CEP192: variants seen among roughly 807,000 people sequenced by gnomAD.
CEP192 encodes the protein centrosomal protein 192, also known as centrosomal protein of 192 kDa.
A neutral mutation model predicts 271.8 loss-of-function variants in CEP192; 151 were observed. That is an observed-to-expected ratio of 0.56 (90% CI 0.49 to 0.64). CEP192 has a LOEUF of 0.64. Among genes scored for constraint, CEP192 ranks in the 30% least tolerant of loss-of-function variants. The probability of loss-of-function intolerance (pLI) is 0.00; values close to 1 mark genes in which losing one functional copy is unlikely to be tolerated. For synonymous variants in CEP192, 995 were observed against 1,076.5 expected (o/e 0.92, Z 1.48); for missense variants, 2,910 against 3,020.5 (o/e 0.96, Z 0.86).
intron 34 of CEP192, among the ~76,000 whole-genome samples, 164 bp downstream of exon 34, chr18:13,092,691 A>G (rs897097164): frequency 1.3e-5 from 2 of 152,146 alleles, no homozygotes; most frequent in African/African-American, 4.8e-5. Flanking sequence ...AACTTTCAGG[A>G]AAGTTTAGAA....
chr18:13,042,087 T>A, intron 14 of CEP192, 117 bp from the exon 15 acceptor site: 2 of 733,138 alleles, frequency 2.7e-6, no homozygotes, highest in Non-Finnish European at 4.4e-6. Context: ...CAACTGACAT[T>A]TGGGGTACAA....
intron 40 of CEP192, among the ~76,000 whole-genome samples, chr18:13,111,613 C>T (rs2040214717): frequency 6.6e-6 from 1 of 152,078 alleles, no homozygotes; most frequent in African/African-American, 2.4e-5. Context: ...AAAGCACAAG[C>T]CACAAAAGAG....
At chr18:13,003,247 G>A (rs773968793) in intron 3 of CEP192, among the ~76,000 whole-genome samples, 1 of 151,972 alleles carries the variant, frequency 6.6e-6, no homozygotes, top group Non-Finnish European at 1.5e-5. Flanking sequence ...TCAGGAGTTC[G>A]AGACCAGCCT....
intron 36 of CEP192, among the ~76,000 whole-genome samples, chr18:13,097,578 G>A (rs1001723251): frequency 8.8e-5 from 13 of 148,474 alleles, no homozygotes; most frequent in African/African-American, 2.0e-4. Context: ...AGTTTTTACC[G>A]TGAGTTGCTT....
intron 15 of CEP192, among the ~76,000 whole-genome samples, chr18:13,044,321 G>A (rs1363998197): frequency 1.3e-5 from 2 of 152,064 alleles, no homozygotes; most frequent in African/African-American, 4.8e-5. Context: ...TTGACTGGAT[G>A]GACCTCAAAA....
chr18:13,002,012 C>G, intron 3 of CEP192, among the ~76,000 whole-genome samples: 1 of 152,220 alleles, frequency 6.6e-6, no homozygotes, highest in East Asian at 1.9e-4. Context: ...GCCACCGCGC[C>G]CGGCCAAGAG....
chr18:13,011,453 C>T (rs1023446176), intron 4 of CEP192, among the ~76,000 whole-genome samples: 9 of 152,092 alleles, frequency 5.9e-5, no homozygotes, highest in Admixed American at 2.0e-4. Flanking sequence ...CATGTGACTC[C>T]GCATTTGCAC....
At chr18:13,000,578 C>T (rs2033578817) in intron 2 of CEP192, 1 of 152,210 alleles carries the variant, frequency 6.6e-6, no homozygotes, top group African/African-American at 2.4e-5. Flanking sequence ...TTCCAGCTTT[C>T]AATCTGTCCT....
chr18:13,040,755 A>G (rs1255695476), intron 13 of CEP192, 75 bp from the exon 14 acceptor site: 18 of 1,194,964 alleles, frequency 1.5e-5, no homozygotes, highest in Admixed American at 2.4e-5. Context: ...TTTTACCACT[A>G]TTAGATAAAA....
chr18:13,112,140 T>A (rs2040237626), intron 40 of CEP192, among the ~76,000 whole-genome samples: 1 of 152,202 alleles, frequency 6.6e-6, no homozygotes, highest in Non-Finnish European at 1.5e-5. Flanking sequence ...ACTAGAAAAG[T>A]TGAAGCAGAT....
intron 40 of CEP192, among the ~76,000 whole-genome samples, chr18:13,112,717 G>T (rs564831416): frequency 6.6e-6 from 1 of 152,300 alleles, no homozygotes; most frequent in African/African-American, 2.4e-5. Flanking sequence ...TCCCTGACCA[G>T]TCCTGCTTTT....
rs561486270 is a variant in CEP192 at position 13,002,680 on chromosome 18, A to G, written c.290+1098A>G. Among the ~76,000 whole-genome samples, 9 of 152,334 alleles carry G rather than the reference A, an allele frequency of 5.9e-5. 1 individual carries two copies. The South Asian group carries it at 1.7e-3, about 28-fold the overall frequency. On this transcript the variant is annotated intron_variant, in intron 3 of 44. Coordinates refer to ENST00000506447, the MANE Select transcript of CEP192 (RefSeq NM_032142.4). ...GCTATTTTTAATCTTTGATTTTTAC[A>G]GGTAAAAATAATTTATATAATACAT...
chr18:13,046,633 C>A (rs568490630), intron 15 of CEP192, among the ~76,000 whole-genome samples: 3 of 151,878 alleles, frequency 2.0e-5, no homozygotes, highest in Admixed American at 6.6e-5. Flanking sequence ...AGTAAAAATT[C>A]TTTGTTTTCT....
At chr18:13,016,147 C>T (rs1178047960) in intron 6 of CEP192, among the ~76,000 whole-genome samples, 1 of 152,116 alleles carries the variant, frequency 6.6e-6, no homozygotes, top group Non-Finnish European at 1.5e-5. Flanking sequence ...ACCCAACAGG[C>T]CCCAAATGTG....
Position 13,017,293 on chromosome 18 carries a change from C to T in CEP192, c.746C>T (p.Pro249Leu), listed in dbSNP as rs1048148011. Reference protein sequence around the residue: ...MIYEDLEGPEPPEKGFKLPTN... With the variant: ...MIYEDLEGPELPEKGFKLPTN... ...TATGAAGACCTAGAAGGACCAGAAC[C>T]TCCAGAAAAAGGTTTTAAGTTACCT... The change falls in exon 7 of 45, where the codon CCT becomes CTT. Residue 249 changes from proline (P) to leucine (L), a missense_variant. Transcript: ENST00000506447. The T allele has an allele frequency of 6.5e-7, 1 of 1,548,906 alleles. No homozygotes were observed. The highest frequency in any genetic ancestry group is 2.0e-5 in the Admixed American group (1 of 50,484).
At chr18:13,067,584 C>T (rs1201464094) in intron 21 of CEP192, among the ~76,000 whole-genome samples, 1 of 152,142 alleles carries the variant, frequency 6.6e-6, no homozygotes, top group Non-Finnish European at 1.5e-5. Flanking sequence ...TCTTAAGATA[C>T]AGTCTTTTCA....
In CEP192 at chr18:13,045,768, G is replaced by A. The variant is rs1314559838; in HGVS notation, c.2068-3091G>A. Among the ~76,000 whole-genome samples the A allele has an allele frequency of 3.3e-5, 5 of 152,258 alleles. No homozygotes were observed. The East Asian group carries it at 9.6e-4, about 29-fold the overall frequency. The stretch of plus-strand genomic sequence containing the variant: ...GTTTTGGTGCATAAAAATTGTTCTT[G>A]CTAACAAATCAAATCCTTTATTGAG... On this transcript the variant is annotated intron_variant, in intron 15 of 44. Transcript: ENST00000506447.
At chr18:13,022,572 G>C (rs1437368044) in intron 9 of CEP192, among the ~76,000 whole-genome samples, 2 of 151,912 alleles carry the variant, frequency 1.3e-5, no homozygotes, top group African/African-American at 4.8e-5. Context: ...GTAGAGATGA[G>C]GTTTCACCAT....
At chr18:13,063,093 G>C (rs898701960) in intron 21 of CEP192, among the ~76,000 whole-genome samples, 2 of 152,180 alleles carry the variant, frequency 1.3e-5, no homozygotes, top group Non-Finnish European at 2.9e-5. Flanking sequence ...ACTCCATTGT[G>C]TATATGTACC....
Sources: gnomAD v4.1 joint callset for allele counts (sites outside exome capture counted in the v4.1 genomes callset) on GRCh38, gnomAD v4.1.1 for gene constraint, MANE v1.5 for transcripts, NCBI Gene and HGNC (gene_info 2026-07-23, HGNC 2026-07-21) for gene names.